Variants in SLC39A11 observed in about 807,000 individuals in gnomAD.
SLC39A11 encodes zinc transporter ZIP11.
Under a neutral mutation model 36.1 loss-of-function variants are expected in SLC39A11, and 33 were observed. That is an observed-to-expected ratio of 0.91 (90% confidence interval 0.69 to 1.22). The LOEUF is 1.22. Ranked by LOEUF, SLC39A11 falls within the 50% of genes most tolerant of loss-of-function variation. SLC39A11 has a pLI of 0.00. For synonymous variants in SLC39A11, 166 were observed against 170.3 expected, an observed-to-expected ratio of 0.97 and a Z score of 0.20; for missense variants, 432 against 430.3, an observed-to-expected ratio of 1.00 and a Z score of -0.03.
chr17:72,650,901 TGAGGC>T (rs2069820470), intron 7 of SLC39A11, among the ~76,000 whole-genome samples: 1 of 152,216 alleles, frequency 6.6e-6, no homozygotes, highest in Admixed American at 6.5e-5. Flanking sequence ...CTGATCCGGC[TGAGGC>T]CCAAGTTCCA....
At chr17:73,032,168 C>T (rs996173168) in intron 3 of SLC39A11, among the ~76,000 whole-genome samples, 2 of 151,900 alleles carry the variant, frequency 1.3e-5, no homozygotes, top group African/African-American at 4.8e-5. Flanking sequence ...AATTATCTGG[C>T]CCCAAATGTC....
chr17:72,909,824 C>T (rs950610169), intron 5 of SLC39A11, among the ~76,000 whole-genome samples: 12 of 151,328 alleles, frequency 7.9e-5, no homozygotes, highest in Non-Finnish European at 1.5e-4. Flanking sequence ...CGGCTCACTG[C>T]AACCTCCGCT....
intron 5 of SLC39A11, among the ~76,000 whole-genome samples, chr17:72,914,539 C>T (rs939041998): frequency 2.0e-5 from 3 of 152,054 alleles, no homozygotes; most frequent in Admixed American, 2.0e-4. Flanking sequence ...TCGGTATCCA[C>T]AGGGTCCTGG....
rs560221490 is a variant in SLC39A11 at position 72,827,916 on chromosome 17, A to G, written c.601+21718T>C. Reference sequence around the variant, plus strand: ...ATAGAAGAGAGAACTGTAATAAAGCAAGAGGGAAATACAGTTTCTTTCCCA... The same window carrying G: ...ATAGAAGAGAGAACTGTAATAAAGCGAGAGGGAAATACAGTTTCTTTCCCA... On this transcript the variant is annotated intron_variant, in intron 6 of 9. Coordinates refer to ENST00000255559, the MANE Select transcript of SLC39A11 (RefSeq NM_139177.4). Among the ~76,000 whole-genome samples, 8 of 152,342 alleles carry G rather than the reference A, an allele frequency of 5.3e-5. No homozygotes were observed. The East Asian group carries it at 1.3e-3, about 26-fold the overall frequency.
intron 5 of SLC39A11, among the ~76,000 whole-genome samples, chr17:72,933,655 G>A (rs2084563248): frequency 6.6e-6 from 1 of 152,098 alleles, no homozygotes; most frequent in Non-Finnish European, 1.5e-5. Context: ...AAGTAGCTGG[G>A]ATTACAGGCG....
intron 6 of SLC39A11, among the ~76,000 whole-genome samples, chr17:72,834,495 G>A (rs1037629869): frequency 2.0e-5 from 3 of 152,132 alleles, no homozygotes; most frequent in South Asian, 2.1e-4. Flanking sequence ...GGTGACACAC[G>A]CCTGTAATTC....
intron 4 of SLC39A11, among the ~76,000 whole-genome samples, chr17:72,963,202 A>G (rs1388104685): frequency 3.6e-5 from 4 of 110,084 alleles, no homozygotes; most frequent in Admixed American, 1.4e-4. Context: ...ATGGAGTCTC[A>G]CTCTGTCCCC....
chr17:72,688,029 G>A (rs2071839225), intron 7 of SLC39A11, among the ~76,000 whole-genome samples: 1 of 152,138 alleles, frequency 6.6e-6, no homozygotes, highest in African/African-American at 2.4e-5. Flanking sequence ...CCCAAGCCGG[G>A]GACAAACAGG....
intron 4 of SLC39A11, among the ~76,000 whole-genome samples, chr17:73,027,210 A>C (rs1317647596): frequency 6.6e-6 from 1 of 152,218 alleles, no homozygotes; most frequent in Non-Finnish European, 1.5e-5. Flanking sequence ...CAAAATCAGA[A>C]ACATGTCAAT....
In SLC39A11 at chr17:72,982,969, C is replaced by T. The variant is rs1276372198; in HGVS notation, c.307-35094G>A. On this transcript the variant is annotated intron_variant, in intron 4 of 9. Coordinates refer to ENST00000255559, the MANE Select transcript of SLC39A11 (RefSeq NM_139177.4). ...TGCATCTCCATCCAGGCAAGGTCAA[C>T]TCAGAGAACGTCTATTAAATATCCA... Among the ~76,000 whole-genome samples the T allele has an allele frequency of 3.3e-5, 5 of 152,100 alleles. No homozygotes were observed. In the East Asian group the frequency reaches 9.6e-4, roughly 29 times the overall value.
At chr17:72,938,303 C>T (rs760840403) in intron 5 of SLC39A11, among the ~76,000 whole-genome samples, 1 of 152,098 alleles carries the variant, frequency 6.6e-6, no homozygotes, top group Non-Finnish European at 1.5e-5. Flanking sequence ...TACATGGGCC[C>T]CATCCCAAAG....
intron 4 of SLC39A11, among the ~76,000 whole-genome samples, chr17:72,949,744 A>C (rs1477254021): frequency 6.6e-6 from 1 of 151,916 alleles, no homozygotes; most frequent in Admixed American, 6.6e-5. Flanking sequence ...GGGGATGCAA[A>C]CATTTTCAGG....
chr17:73,076,443 A>G (rs1201347134), intron 3 of SLC39A11, among the ~76,000 whole-genome samples: 3 of 152,234 alleles, frequency 2.0e-5, no homozygotes, highest in Non-Finnish European at 2.9e-5. Context: ...TTGTATAAAT[A>G]TGTCACTGCA....
rs573406425 is a variant in SLC39A11, at chr17:72,827,136, T to C, written c.601+22498A>G. On this transcript the variant is annotated intron_variant, in intron 6 of 9. Coordinates refer to ENST00000255559, the MANE Select transcript of SLC39A11 (RefSeq NM_139177.4). ...TGATGAATGGATGAACAAAATGTGGTATAGACATATAATGGAATATTATTT... is the reference window on the plus strand; with the variant it reads ...TGATGAATGGATGAACAAAATGTGGCATAGACATATAATGGAATATTATTT... Among the ~76,000 whole-genome samples the C allele has an allele frequency of 3.9e-5, 6 of 152,324 alleles. No individual in the cohort carries two copies. In the South Asian group the frequency reaches 1.2e-3, roughly 32 times the overall value.
chr17:72,829,663 C>G (rs1282874276), intron 6 of SLC39A11, among the ~76,000 whole-genome samples: 1 of 152,156 alleles, frequency 6.6e-6, no homozygotes, highest in African/African-American at 2.4e-5. Flanking sequence ...GATCCGGGTC[C>G]CTCCTCTCTT....
chr17:72,806,592 C>CT (rs1215021857), intron 6 of SLC39A11, among the ~76,000 whole-genome samples: 2 of 151,834 alleles, frequency 1.3e-5, no homozygotes, highest in Admixed American at 6.6e-5. Flanking sequence ...CACTTTTGCA[C>CT]TTTTTTTTGA....
chr17:72,953,443 G>A (rs1192166917), intron 4 of SLC39A11, among the ~76,000 whole-genome samples: 1 of 152,174 alleles, frequency 6.6e-6, no homozygotes, highest in Admixed American at 6.5e-5. Flanking sequence ...AAACCAAAAA[G>A]GCTGCACAAA....
At chr17:73,011,169 G>A (rs1422448364) in intron 4 of SLC39A11, among the ~76,000 whole-genome samples, 1 of 152,236 alleles carries the variant, frequency 6.6e-6, no homozygotes. Flanking sequence ...CAAGTCTGGA[G>A]AGCCTTGTGG....
chr17:72,876,389 C>T (rs912970052), intron 5 of SLC39A11, among the ~76,000 whole-genome samples: 5 of 152,174 alleles, frequency 3.3e-5, no homozygotes, highest in African/African-American at 9.6e-5. Context: ...TTTGTCTCTG[C>T]TTGTTAGAAC....
Sources: allele counts gnomAD v4.1 joint callset (sites outside exome capture counted in the v4.1 genomes callset), GRCh38; gene constraint gnomAD v4.1.1; transcripts MANE v1.5; gene names NCBI Gene and HGNC (gene_info 2026-07-23, HGNC 2026-07-21).